ENOX1: variants seen among roughly 807,000 people sequenced by gnomAD.
The protein encoded by ENOX1 is ecto-NOX disulfide-thiol exchanger 1, also known as candidate growth-related and time keeping constitutive hydroquinone (NADH) oxidase.
In ENOX1, 42 loss-of-function variants were observed where a neutral mutation model predicts 82.5. The ratio of observed to expected loss-of-function variants is 0.51; its 90% CI spans 0.40 to 0.66. ENOX1 has a LOEUF of 0.66. ENOX1 is among the 30% of genes least tolerant of loss of function. The pLI is 0.00. For synonymous variants in ENOX1, 271 were observed against 282.2 expected (o/e 0.96, Z 0.40); for missense variants, 608 against 811.6 (o/e 0.75, Z 3.05).
chr13:43,581,079 G>GAGAT (rs1176723555), intron 2 of ENOX1, among the ~76,000 whole-genome samples: 3 of 147,210 alleles, frequency 2.0e-5, no homozygotes, highest in Admixed American at 2.0e-4. Flanking sequence ...GCAAAATGGA[G>GAGAT]AGATACTCAG....
At chr13:43,288,330 G>C (rs1566428594) in intron 12 of ENOX1, among the ~76,000 whole-genome samples, 1 of 152,040 alleles carries the variant, frequency 6.6e-6, no homozygotes. Flanking sequence ...AATGTCTTCT[G>C]CATTTCCCAC....
chr13:43,481,889 G>A (rs1380865615), intron 3 of ENOX1, among the ~76,000 whole-genome samples: 3 of 152,092 alleles, frequency 2.0e-5, no homozygotes, highest in Admixed American at 1.3e-4. Flanking sequence ...CATACAAATG[G>A]TCAACAGATA....
chr13:43,451,561 A>G (rs910333138), intron 3 of ENOX1, among the ~76,000 whole-genome samples: 5 of 152,344 alleles, frequency 3.3e-5, no homozygotes, highest in Non-Finnish European at 5.9e-5. Context: ...GTGTTTATTA[A>G]TAAGTGATTA....
chr13:43,666,241 C>T (rs1324953203), intron 2 of ENOX1, among the ~76,000 whole-genome samples: 1 of 152,194 alleles, frequency 6.6e-6, no homozygotes, highest in East Asian at 1.9e-4. Flanking sequence ...ATCTGCAAAG[C>T]TCAATAAAAC....
intron 2 of ENOX1, among the ~76,000 whole-genome samples, chr13:43,526,318 CT>C (rs2077989319): frequency 1.8e-4 from 27 of 152,036 alleles, no homozygotes; most frequent in Admixed American, 1.8e-3. Flanking sequence ...TTTCATCATC[CT>C]TTAATTAAAA....
At chr13:43,671,548 C>T (rs1333096008) in intron 1 of ENOX1, among the ~76,000 whole-genome samples, 1 of 152,198 alleles carries the variant, frequency 6.6e-6, no homozygotes, top group Non-Finnish European at 1.5e-5. Flanking sequence ...ACACATACCC[C>T]ATTATTACTG....
chr13:43,621,061 A>G (rs1256715691), intron 2 of ENOX1, among the ~76,000 whole-genome samples: 1 of 152,054 alleles, frequency 6.6e-6, no homozygotes, highest in Non-Finnish European at 1.5e-5. Context: ...AAGAATTGCT[A>G]CCCCAGCTCG....
intron 2 of ENOX1, among the ~76,000 whole-genome samples, chr13:43,592,640 C>T (rs1206215394): frequency 6.6e-6 from 1 of 152,014 alleles, no homozygotes; most frequent in Non-Finnish European, 1.5e-5. Context: ...GCTGTAAATG[C>T]TATCTTAATG....
intron 2 of ENOX1, among the ~76,000 whole-genome samples, chr13:43,519,949 T>C (rs926385094): frequency 6.6e-6 from 1 of 152,132 alleles, no homozygotes; most frequent in African/African-American, 2.4e-5. Context: ...TGACATGTAT[T>C]ACATCTCCCT....
intron 1 of ENOX1, among the ~76,000 whole-genome samples, chr13:43,728,276 T>C (rs995494687): frequency 3.3e-5 from 5 of 152,160 alleles, no homozygotes; most frequent in Admixed American, 6.5e-5. Context: ...CTCAAAATCG[T>C]TAAGTCTTAG....
At chr13:43,464,569 GT>G (rs2057637292) in intron 3 of ENOX1, among the ~76,000 whole-genome samples, 1 of 152,070 alleles carries the variant, frequency 6.6e-6, no homozygotes, top group Non-Finnish European at 1.5e-5. Flanking sequence ...CTTATTATTA[GT>G]GTTTTTGACA....
intron 2 of ENOX1, among the ~76,000 whole-genome samples, chr13:43,505,635 T>C (rs536289513): frequency 6.6e-6 from 1 of 152,232 alleles, no homozygotes; most frequent in African/African-American, 2.4e-5. Flanking sequence ...GAGTTCGTTG[T>C]AGATTCTGGA....
At chr13:43,464,467 G>A (rs952450386) in intron 3 of ENOX1, among the ~76,000 whole-genome samples, 3 of 152,090 alleles carry the variant, frequency 2.0e-5, no homozygotes, top group African/African-American at 7.2e-5. Flanking sequence ...GGAGTGAGGA[G>A]TGAGAAGAGG....
intron 1 of ENOX1, among the ~76,000 whole-genome samples, chr13:43,775,198 G>A (rs1277534390): frequency 6.6e-6 from 1 of 152,028 alleles, no homozygotes; most frequent in African/African-American, 2.4e-5. Flanking sequence ...ACCCAGGCTG[G>A]AGTATAATGG....
At chr13:43,304,633 A>G (rs1255074869) in intron 11 of ENOX1, among the ~76,000 whole-genome samples, 1 of 152,186 alleles carries the variant, frequency 6.6e-6, no homozygotes, top group African/African-American at 2.4e-5. Context: ...ACATGCAGGT[A>G]TTTTCTGCAG....
At chr13:43,350,106 A>T (rs77216407) in intron 8 of ENOX1, among the ~76,000 whole-genome samples, 1,866 of 152,340 alleles carry the variant, frequency 0.012, 48 homozygotes, top group African/African-American at 0.043. Context: ...GCAAACTGAT[A>T]ACAATACAAA....
intron 3 of ENOX1, among the ~76,000 whole-genome samples, chr13:43,417,262 G>GGAGAGA (rs1198112928): frequency 6.6e-6 from 1 of 150,594 alleles, no homozygotes; most frequent in Non-Finnish European, 1.5e-5. Flanking sequence ...AGAGGGAGAG[G>GGAGAGA]GAGAGGGCCA....
At chr13:43,285,863 T>C (rs1378192928) in intron 12 of ENOX1, among the ~76,000 whole-genome samples, 2 of 147,620 alleles carry the variant, frequency 1.4e-5, no homozygotes, top group African/African-American at 4.9e-5. Context: ...TCTTTCTTCT[T>C]TGTTCCAATG....
chr13:43,282,825 G>C (rs1403224996), intron 12 of ENOX1, among the ~76,000 whole-genome samples: 1 of 151,638 alleles, frequency 6.6e-6, no homozygotes, highest in African/African-American at 2.4e-5. Context: ...AGGCGCGGTG[G>C]CTTATGCCTG....
Sources: allele counts gnomAD v4.1 joint callset (sites outside exome capture counted in the v4.1 genomes callset), GRCh38; gene constraint gnomAD v4.1.1; transcripts MANE v1.5; gene names NCBI Gene and HGNC (gene_info 2026-07-23, HGNC 2026-07-21).